PCDHGA5: variants seen among roughly 807,000 people sequenced by gnomAD.
PCDHGA5 encodes the protein protocadherin gamma-A5.
In PCDHGA5, 36 loss-of-function variants were observed where a neutral mutation model predicts 56.7. The observed-to-expected ratio is 0.64, with a 90% CI of 0.49 to 0.84. The LOEUF (loss-of-function observed/expected upper bound fraction) is 0.84. Among genes scored for constraint, PCDHGA5 ranks in the 40% least tolerant of loss-of-function variants. PCDHGA5 has a pLI of 0.00. For missense variants in PCDHGA5, 1,305 were observed against 1,201.5 expected (o/e 1.09, Z -1.27); for synonymous variants, 563 against 520.2 (o/e 1.08, Z -1.12).
chr5:141,384,341 G>A (rs373965421), intron 1 of PCDHGA5: 3 of 1,613,758 alleles, frequency 1.9e-6, no homozygotes, highest in Admixed American at 1.7e-5. Context: ...GACCACGACA[G>A]TGAGGATAAT....
intron 1 of PCDHGA5, among the ~76,000 whole-genome samples, chr5:141,444,029 A>T (rs977610555): frequency 2.6e-5 from 4 of 152,164 alleles, no homozygotes; most frequent in African/African-American, 9.7e-5. Flanking sequence ...AAAGGAATTC[A>T]GTAAATCAGA....
chr5:141,399,589 A>G (rs1460754588), intron 1 of PCDHGA5: 6 of 1,613,866 alleles, frequency 3.7e-6, no homozygotes, highest in Non-Finnish European at 3.4e-6. Context: ...CTACTCTATC[A>G]TGGCCAGCGA....
Position 141,489,492 on chromosome 5 carries a change from G to C in PCDHGA5, c.2422-5315G>C. On this transcript the variant is annotated intron_variant, in intron 1 of 3. Coordinates refer to ENST00000518069, the MANE Select transcript of PCDHGA5 (RefSeq NM_018918.3). This position sits in a 1 kb window ranked among gnomAD's most constrained non-coding sequence, Gnocchi z 4.5. The stretch of plus-strand genomic sequence containing the variant: ...CCCTGAGCTTGATGAGTGGTGCCCT[G>C]GCAGTGAATCAAAAGATTGACCGAG... The C allele has an allele frequency of 6.2e-7, 1 of 1,614,042 alleles. No homozygotes were observed. The highest frequency in any genetic ancestry group is 8.5e-7 in the Non-Finnish European group (1 of 1,180,034).
intron 1 of PCDHGA5, chr5:141,419,579 C>A: frequency 6.2e-7 from 1 of 1,611,812 alleles, no homozygotes; most frequent in Non-Finnish European, 8.5e-7. Flanking sequence ...CGGCTCCGCG[C>A]TCTTCGACAC....
At chr5:141,416,200 T>G (rs1318033556) in intron 1 of PCDHGA5, 2 of 152,444 alleles carry the variant, frequency 1.3e-5, no homozygotes, top group African/African-American at 4.8e-5. Context: ...ATTAACAATT[T>G]ATTTATAACA....
chr5:141,493,679 G>C lies in PCDHGA5; in HGVS notation c.2422-1128G>C. On this transcript the variant is annotated intron_variant, in intron 1 of 3. Transcript: ENST00000518069. This position sits in a 1 kb window ranked among gnomAD's most constrained non-coding sequence, Gnocchi z 4.3. ...CCTTCTCCATGGCAGCCCCAGAATG[G>C]TGCTGGTGACTCCCGATACACCTGG... Among the ~76,000 whole-genome samples the C allele has an allele frequency of 6.6e-6, 1 of 152,198 alleles. No individual in the cohort carries two copies. Among genetic ancestry groups the C allele is most frequent in the African/African-American group, 2.4e-5 (1 of 41,446 alleles).
intron 1 of PCDHGA5, chr5:141,410,596 T>C: frequency 1.2e-6 from 2 of 1,608,810 alleles, no homozygotes; most frequent in Non-Finnish European, 1.7e-6. Flanking sequence ...AGGATTTGAC[T>C]TCACATCCTG....
chr5:141,480,712 A>G (rs559266864), intron 1 of PCDHGA5, among the ~76,000 whole-genome samples: 13 of 152,306 alleles, frequency 8.5e-5, no homozygotes, highest in African/African-American at 2.9e-4. Context: ...CCGACAAATG[A>G]AAGCACAGTC....
In PCDHGA5 at chr5:141,432,218, A is replaced by T. The variant is rs570925415; in HGVS notation, c.2422-62589A>T. On this transcript the variant is annotated intron_variant, in intron 1 of 3. Transcript: ENST00000518069. This position sits in a 1 kb window ranked among gnomAD's most constrained non-coding sequence, Gnocchi z 6.0. Reference sequence around the variant, plus strand: ...CCCCGACTGTGAAGAGAACGCCCAGATCACTTATTCCCTGGCTGAGAACAC... The same window carrying T: ...CCCCGACTGTGAAGAGAACGCCCAGTTCACTTATTCCCTGGCTGAGAACAC... The T allele has an allele frequency of 6.2e-7, 1 of 1,614,148 alleles. No homozygotes were observed. The highest frequency in any genetic ancestry group is 1.3e-5 in the African/African-American group (1 of 75,030).
At chr5:141,484,009 TG>T (rs2099590446) in intron 1 of PCDHGA5, among the ~76,000 whole-genome samples, 1 of 14,098 alleles carries the variant, frequency 7.1e-5, no homozygotes, top group Admixed American at 8.3e-4. Context: ...TGGATGAGGG[TG>T]GGGGTGGGGT....
intron 1 of PCDHGA5, chr5:141,382,669 G>GT (rs1778360255): frequency 2.3e-6 from 1 of 433,228 alleles, no homozygotes. Context: ...CAGCGCCGCT[G>GT]TTCACCAACC....
At chr5:141,458,075 A>G (rs1301404730) in intron 1 of PCDHGA5, among the ~76,000 whole-genome samples, 2 of 152,234 alleles carry the variant, frequency 1.3e-5, no homozygotes, top group Non-Finnish European at 2.9e-5. Flanking sequence ...GAACAACTAT[A>G]TTGCCGTAAG....
rs763097687 is a variant in PCDHGA5 at position 141,489,361 on chromosome 5, C to G, written c.2422-5446C>G. On this transcript the variant is annotated intron_variant, in intron 1 of 3. Transcript: ENST00000518069. This position sits in a 1 kb window ranked among gnomAD's most constrained non-coding sequence, Gnocchi z 4.5. Reference sequence around the variant, plus strand: ...TTACTCAGTGGTGGAGGAGTCTGAGCCGGGGACGCTGGTGGGGAATGTTGC... The same window carrying G: ...TTACTCAGTGGTGGAGGAGTCTGAGGCGGGGACGCTGGTGGGGAATGTTGC... 6.2e-7 allele frequency: 1 copy of G among 1,612,762 alleles called. No homozygotes were observed. Among genetic ancestry groups the G allele is most frequent in the African/African-American group, 1.3e-5 (1 of 74,874 alleles).
At chr5:141,418,940 C>G in intron 1 of PCDHGA5, 9 of 1,614,012 alleles carry the variant, frequency 5.6e-6, no homozygotes, top group Non-Finnish European at 6.8e-6. Context: ...GGAGGATTCC[C>G]CTCCAGGAGT....
At chr5:141,408,301 C>A in intron 1 of PCDHGA5, 1 of 1,613,756 alleles carries the variant, frequency 6.2e-7, no homozygotes, top group Non-Finnish European at 8.5e-7. Flanking sequence ...GTGAGCCGAT[C>A]CGCTACTCGA....
intron 2 of PCDHGA5, among the ~76,000 whole-genome samples, chr5:141,497,336 A>G (rs558221190): frequency 1.6e-3 from 251 of 152,122 alleles, no homozygotes; most frequent in Non-Finnish European, 2.8e-3. Flanking sequence ...TTCACCATTG[A>G]ACCTGGAAGC....
rs1259098111 is a variant in PCDHGA5 at position 141,489,418 on chromosome 5, T to C, written c.2422-5389T>C. On this transcript the variant is annotated intron_variant, in intron 1 of 3. Coordinates refer to ENST00000518069, the MANE Select transcript of PCDHGA5 (RefSeq NM_018918.3). This position sits in a 1 kb window ranked among gnomAD's most constrained non-coding sequence, Gnocchi z 4.5. ...TCTGGGCTTAAAGATGACAGATCTGTTGAGCCGGCGGCTGCAATTGGGCTC... is the reference window on the plus strand; with the variant it reads ...TCTGGGCTTAAAGATGACAGATCTGCTGAGCCGGCGGCTGCAATTGGGCTC... The C allele has an allele frequency of 1.2e-6, 2 of 1,614,174 alleles. No individual in the cohort carries two copies. The highest frequency in any genetic ancestry group is 8.5e-7 in the Non-Finnish European group (1 of 1,180,032).
At chr5:141,408,317 G>A in intron 1 of PCDHGA5, 1 of 1,613,892 alleles carries the variant, frequency 6.2e-7, no homozygotes, top group Non-Finnish European at 8.5e-7. Context: ...CTCGATTCCG[G>A]AGGAGCTGGC....
intron 1 of PCDHGA5, chr5:141,392,870 G>C: frequency 6.2e-7 from 1 of 1,613,226 alleles, no homozygotes; most frequent in Non-Finnish European, 8.5e-7. Context: ...TGTGCGCGCT[G>C]CTGGGAACGC....
Sources: gnomAD v4.1 joint callset for allele counts (sites outside exome capture counted in the v4.1 genomes callset) on GRCh38, gnomAD v4.1.1 for gene constraint, Gnocchi (gnomAD v3.1) non-coding constraint, MANE v1.5 for transcripts, NCBI Gene and HGNC (gene_info 2026-07-23, HGNC 2026-07-21) for gene names.